The following SCFD2 variants were observed in gnomAD, a reference collection of about 807,000 sequenced individuals.
SCFD2 encodes the protein sec1 family domain containing 2.
In SCFD2, 54 loss-of-function variants were observed where a neutral mutation model predicts 58.9. That is an observed-to-expected ratio of 0.92 (90% CI 0.74 to 1.15). SCFD2 has a LOEUF of 1.15. Among genes scored for constraint, SCFD2 ranks in the 50% most tolerant of loss-of-function variants. The probability of loss-of-function intolerance (pLI) is 0.00; values close to 1 mark genes in which losing one functional copy is unlikely to be tolerated. For missense variants in SCFD2, 805 were observed against 836.6 expected (o/e 0.96, Z 0.47); for synonymous variants, 321 against 335.9 (o/e 0.96, Z 0.49).
At chr4:53,261,328 A>T (rs1730822415) in intron 4 of SCFD2, among the ~76,000 whole-genome samples, 1 of 151,888 alleles carries the variant, frequency 6.6e-6, no homozygotes, top group African/African-American at 2.4e-5. Context: ...ACCTTAGTTT[A>T]TCTATTCGTG....
At chr4:53,194,403 C>T (rs1728000381) in intron 4 of SCFD2, among the ~76,000 whole-genome samples, 1 of 152,062 alleles carries the variant, frequency 6.6e-6, no homozygotes, top group South Asian at 2.1e-4. Flanking sequence ...TTTTTAGAAC[C>T]TATAATTATA....
At chr4:53,107,861 C>A (rs1336990222) in intron 5 of SCFD2, among the ~76,000 whole-genome samples, 1 of 152,212 alleles carries the variant, frequency 6.6e-6, no homozygotes. Flanking sequence ...GAACTCAGTT[C>A]TGGATCAAGT....
chr4:53,363,385 G>A (rs1377615743), intron 1 of SCFD2, among the ~76,000 whole-genome samples: 1 of 151,930 alleles, frequency 6.6e-6, no homozygotes, highest in Non-Finnish European at 1.5e-5. Context: ...CTGAGCTCAA[G>A]CAGTCTGCCC....
intron 4 of SCFD2, among the ~76,000 whole-genome samples, chr4:53,174,245 TGAA>T (rs1727262501): frequency 6.6e-6 from 1 of 151,494 alleles, no homozygotes; most frequent in Non-Finnish European, 1.5e-5. Flanking sequence ...ATTAAAAAAA[TGAA>T]GAGGAGACAT....
chr4:53,299,610 A>C (rs543266992), intron 3 of SCFD2, among the ~76,000 whole-genome samples: 3,210 of 149,252 alleles, frequency 0.022, 72 homozygotes, highest in African/African-American at 0.06. Context: ...CACAAAGATA[A>C]TCCTCGAGAA....
At chr4:53,237,981 G>A (rs1225164166) in intron 4 of SCFD2, among the ~76,000 whole-genome samples, 628 of 117,364 alleles carry the variant, frequency 5.4e-3, no homozygotes, top group Middle Eastern at 0.02. Flanking sequence ...CCTCCCGGAC[G>A]GGGCGGCTGG....
chr4:52,920,828 A>G lies in SCFD2; in HGVS notation c.1604T>C (p.Ile535Thr). ...SINLTFHKSK[I>T]AVDELFTSLR... The stretch of plus-strand genomic sequence containing the variant: ...TGAAGTAAAGAGTTCATCCACGGCA[A>G]TTTTGGATTTGTGAAATGTCAGATT... The change falls in exon 6 of 9, where the codon ATT (isoleucine) becomes ACT (threonine). Residue 535 changes from isoleucine to threonine, a missense_variant. Physicochemically the swap from Ile to Thr is moderately conservative, Grantham distance 89 (BLOSUM62 -1). Coordinates refer to ENST00000401642, the MANE Select transcript of SCFD2 (RefSeq NM_152540.4). 6.2e-7 allele frequency: 1 copy of G among 1,611,872 alleles called. No individual in the cohort carries two copies. The highest frequency in any genetic ancestry group is 8.5e-7 in the Non-Finnish European group (1 of 1,178,572).
chr4:53,209,668 T>C (rs1411471516), intron 4 of SCFD2, among the ~76,000 whole-genome samples: 1 of 151,992 alleles, frequency 6.6e-6, no homozygotes, highest in Non-Finnish European at 1.5e-5. Context: ...AATGATGACA[T>C]GGTCTCTGTC....
At chr4:53,007,035 C>T (rs1344497829) in intron 5 of SCFD2, among the ~76,000 whole-genome samples, 1 of 151,954 alleles carries the variant, frequency 6.6e-6, no homozygotes, top group East Asian at 1.9e-4. Context: ...AATCCTAGCA[C>T]TTTGGGAGGC....
chr4:53,062,201 G>A (rs1723533960), intron 5 of SCFD2, among the ~76,000 whole-genome samples: 1 of 151,514 alleles, frequency 6.6e-6, no homozygotes, highest in African/African-American at 2.4e-5. Flanking sequence ...GCAAAACCCC[G>A]TCTCTACTAA....
At chr4:52,975,861 A>C (rs1721244895) in intron 5 of SCFD2, among the ~76,000 whole-genome samples, 1 of 152,116 alleles carries the variant, frequency 6.6e-6, no homozygotes, top group African/African-American at 2.4e-5. Flanking sequence ...GGATGAGTTC[A>C]CGTTCTTTGT....
In SCFD2 at chr4:52,874,160, G is replaced by A; in HGVS notation, c.1963-99C>T. The A allele has an allele frequency of 3.6e-6, 3 of 843,732 alleles. No homozygotes were observed. The Admixed American group carries it at 5.8e-5, about 16-fold the overall frequency. 52.3% of individuals were successfully genotyped at this position (843,732 alleles called of 1,614,324 possible). On this transcript the variant is annotated intron_variant, in intron 8 of 8. Coordinates refer to ENST00000401642, the MANE Select transcript of SCFD2 (RefSeq NM_152540.4). ...TAGAATGCAACAAATGTCTTTGGGG[G>A]AGGGCATGAAGTGAAGTTCTAGGAA...
chr4:53,322,502 G>A (rs901837911), intron 2 of SCFD2, among the ~76,000 whole-genome samples: 1 of 152,026 alleles, frequency 6.6e-6, no homozygotes, highest in African/African-American at 2.4e-5. Context: ...GAGAGTATTT[G>A]AGTTTCATCT....
chr4:53,303,042 C>G (rs985856087), intron 3 of SCFD2, among the ~76,000 whole-genome samples: 1 of 152,156 alleles, frequency 6.6e-6, no homozygotes, highest in African/African-American at 2.4e-5. Context: ...TAGGCATGGG[C>G]AAGGACTTCA....
At chr4:53,338,569 A>ATTTT (rs1454636023) in intron 2 of SCFD2, among the ~76,000 whole-genome samples, 1 of 58,376 alleles carries the variant, frequency 1.7e-5, no homozygotes, top group Admixed American at 2.3e-4. Context: ...AAAGCAGTAT[A>ATTTT]TTTTTCTTTT....
At chr4:53,187,079 ACT>A (rs1727757491) in intron 4 of SCFD2, among the ~76,000 whole-genome samples, 1 of 152,116 alleles carries the variant, frequency 6.6e-6, no homozygotes, top group East Asian at 1.9e-4. Flanking sequence ...AAAAAAAATT[ACT>A]GTCATAAATA....
At chr4:52,937,682 C>G (rs141752941) in intron 5 of SCFD2, among the ~76,000 whole-genome samples, 1 of 152,262 alleles carries the variant, frequency 6.6e-6, no homozygotes, top group Non-Finnish European at 1.5e-5. Context: ...TTGTGAGAGG[C>G]TCAATATTGT....
At chr4:52,948,173 G>C (rs986181870) in intron 5 of SCFD2, 8 of 195,272 alleles carry the variant, frequency 4.1e-5, no homozygotes, top group Non-Finnish European at 8.5e-5. Context: ...ATAAAATAGA[G>C]GGATTAAACG....
At position 52,874,081 on chromosome 4, in the gene SCFD2, AAC is replaced by A; in HGVS notation, c.1963-22_1963-21del. The A allele has an allele frequency of 6.5e-7, 1 of 1,540,652 alleles. No homozygotes were observed. The highest frequency in any genetic ancestry group is 1.1e-5 in the South Asian group (1 of 89,592). The stretch of plus-strand genomic sequence containing the variant: ...GATTACCTAACAACAGGAGAGGGCA[AAC>A]ACACCGCAGGGAATTAGGGGGGCCA... On this transcript the variant is annotated intron_variant, in intron 8 of 8. Transcript: ENST00000401642.
Sources: allele counts gnomAD v4.1 joint callset (sites outside exome capture counted in the v4.1 genomes callset), GRCh38; gene constraint gnomAD v4.1.1; transcripts MANE v1.5; gene names NCBI Gene and HGNC (gene_info 2026-07-23, HGNC 2026-07-21).